The following ACVR1 variants were observed in gnomAD, a reference collection of about 807,000 sequenced individuals.
ACVR1 encodes activin receptor type-1.
Under a neutral mutation model 57.1 loss-of-function variants are expected in ACVR1, and 38 were observed. The ratio of observed to expected loss-of-function variants is 0.67; its 90% CI spans 0.51 to 0.87. The LOEUF is 0.87. Ranked by LOEUF, ACVR1 falls within the 40% of genes least tolerant of loss-of-function variation. The pLI is 0.00. For missense variants in ACVR1, 463 were observed against 638.2 expected, an observed-to-expected ratio of 0.73 and a Z score of 2.96; for synonymous variants, 212 against 228.1, an observed-to-expected ratio of 0.93 and a Z score of 0.63.
intron 1 of ACVR1, among the ~76,000 whole-genome samples, chr2:157,849,853 G>A (rs766489394): frequency 7.2e-5 from 11 of 152,194 alleles, no homozygotes; most frequent in Non-Finnish European, 1.3e-4. Flanking sequence ...TCCTACCCAG[G>A]TGTCAGTGTT....
intron 9 of ACVR1, among the ~76,000 whole-genome samples, chr2:157,740,771 C>A (rs944013937): frequency 1.3e-5 from 2 of 152,158 alleles, no homozygotes; most frequent in African/African-American, 4.8e-5. Flanking sequence ...CTGAAGTTTG[C>A]CCTTGTGTTT....
chr2:157,766,252 A>G, intron 7 of ACVR1, 56 bp from the exon 8 acceptor site: 1 of 1,573,460 alleles, frequency 6.4e-7, no homozygotes, highest in Non-Finnish European at 8.7e-7. Flanking sequence ...TATAACTTAA[A>G]GTATTTAGAA....
chr2:157,747,707 A>C (rs1461972555), intron 9 of ACVR1, among the ~76,000 whole-genome samples: 2 of 152,116 alleles, frequency 1.3e-5, no homozygotes, highest in African/African-American at 4.8e-5. Context: ...GTTTGCAAGC[A>C]GCATTGAATA....
intron 1 of ACVR1, among the ~76,000 whole-genome samples, chr2:157,854,964 G>A (rs1012374180): frequency 6.6e-6 from 1 of 151,818 alleles, no homozygotes; most frequent in African/African-American, 2.4e-5. Flanking sequence ...GCTTGAACCC[G>A]GGAGGCAGAG....
intron 7 of ACVR1, among the ~76,000 whole-genome samples, chr2:157,770,004 T>C (rs1280037230): frequency 6.6e-6 from 1 of 152,228 alleles, no homozygotes; most frequent in Non-Finnish European, 1.5e-5. Context: ...AGTCCAAAGA[T>C]CTTTCTTAGT....
At chr2:157,801,454 T>A (rs1687325225) in intron 2 of ACVR1, among the ~76,000 whole-genome samples, 1 of 152,212 alleles carries the variant, frequency 6.6e-6, no homozygotes, top group African/African-American at 2.4e-5. Context: ...AAGAAAACAG[T>A]AGACTTAACA....
chr2:157,864,388 A>C (rs1434694652), intron 1 of ACVR1, among the ~76,000 whole-genome samples: 1 of 151,656 alleles, frequency 6.6e-6, no homozygotes, highest in Admixed American at 6.6e-5. Context: ...TTTTTAAAAA[A>C]ATTTTTGTAG....
intron 1 of ACVR1, among the ~76,000 whole-genome samples, chr2:157,828,764 T>C (rs1688482427): frequency 8.0e-6 from 1 of 125,372 alleles, no homozygotes; most frequent in Non-Finnish European, 1.5e-5. Flanking sequence ...TTTTGTTTTT[T>C]TGTTTGTTTG....
chr2:157,743,209 A>G (rs1684844534), intron 9 of ACVR1, among the ~76,000 whole-genome samples: 1 of 152,050 alleles, frequency 6.6e-6, no homozygotes, highest in Non-Finnish European at 1.5e-5. Context: ...TTGTCCAACT[A>G]GGTTCTTATT....
chr2:157,835,524 A>G (rs1162496160), intron 1 of ACVR1, among the ~76,000 whole-genome samples: 3 of 152,200 alleles, frequency 2.0e-5, no homozygotes, highest in Non-Finnish European at 4.4e-5. Context: ...TCTTAATAGT[A>G]TATTTTACTA....
chr2:157,819,632 A>G (rs1358906731), intron 1 of ACVR1: 1 of 152,138 alleles, frequency 6.6e-6, no homozygotes. Flanking sequence ...CCACTCAAAT[A>G]TATCTGATTT....
intron 2 of ACVR1, among the ~76,000 whole-genome samples, chr2:157,812,875 TCCTC>T (rs754991831): frequency 1.3e-5 from 2 of 152,142 alleles, no homozygotes; most frequent in Non-Finnish European, 2.9e-5. Flanking sequence ...AAGTGGTCCT[TCCTC>T]CCACGTACTT....
At chr2:157,770,260 C>CT in intron 7 of ACVR1, 108 bp downstream of exon 7, 1 of 1,281,760 alleles carries the variant, frequency 7.8e-7, no homozygotes, top group Non-Finnish European at 1.1e-6. Context: ...CCCTATATTG[C>CT]TTTTTAGGAG....
chr2:157,854,410 T>C (rs1689433395), intron 1 of ACVR1, among the ~76,000 whole-genome samples: 1 of 151,964 alleles, frequency 6.6e-6, no homozygotes, highest in Non-Finnish European at 1.5e-5. Flanking sequence ...GCCATCACAC[T>C]GGCAAATCCA....
chr2:157,752,306 C>G (rs1685233028), intron 9 of ACVR1, among the ~76,000 whole-genome samples: 1 of 152,202 alleles, frequency 6.6e-6, no homozygotes, highest in Admixed American at 6.5e-5. Context: ...AGAATCTGAA[C>G]AGCAGCCTTG....
At position 157,809,016 on chromosome 2, in the gene ACVR1, C is replaced by T. The variant is rs551951299; in HGVS notation, c.-8+9369G>A. ...ACCCTGGTCTTTACAAAAAGGAACT[C>T]TTGAAAGACCCCTTATCTATTTAAA... On this transcript the variant is annotated intron_variant, in intron 2 of 10. Transcript: ENST00000434821. 1.1e-4 allele frequency among the ~76,000 whole-genome samples: 16 copies of T among 152,236 alleles called. No individual in the cohort carries two copies. In the South Asian group the frequency reaches 3.3e-3, roughly 31 times the overall value.
rs1297924053 is a variant in ACVR1 at position 157,766,101 on chromosome 2, G to C, written c.886C>G (p.Gln296Glu). The change falls in exon 8 of 11, where the codon CAG (glutamine) becomes GAG (glutamate). Residue 296 changes from glutamine to glutamate, a missense_variant. Physicochemically the swap from Gln to Glu is conservative, Grantham distance 29. This residue lies in a region of ACVR1 where 114 missense variants were observed against 216.2 expected (regional missense o/e 0.53). Transcript: ENST00000434821. ...HEMGSLYDYLQLTTLDTVSCL... is the reference protein window; with the variant it reads ...HEMGSLYDYLELTTLDTVSCL... ...CTAACTGTATCCAGAGTAGTAAGCTGAAGATAGTCGTACAACGATCCCATT... is the reference window on the plus strand; with the variant it reads ...CTAACTGTATCCAGAGTAGTAAGCTCAAGATAGTCGTACAACGATCCCATT... 1 of 1,614,124 alleles carries C rather than the reference G, an allele frequency of 6.2e-7. No homozygotes were observed. The highest frequency in any genetic ancestry group is 2.2e-5 in the East Asian group (1 of 44,878).
intron 7 of ACVR1, 60 bp from the exon 8 acceptor site, chr2:157,766,256 T>C (rs1005339997): frequency 6.4e-7 from 1 of 1,557,450 alleles, no homozygotes; most frequent in Non-Finnish European, 8.8e-7. Context: ...ACTTAAAGTA[T>C]TTAGAAATAG....
intron 1 of ACVR1, among the ~76,000 whole-genome samples, chr2:157,855,280 GT>G (rs1689474191): frequency 1.8e-5 from 1 of 54,874 alleles, no homozygotes; most frequent in African/African-American, 6.6e-5. Flanking sequence ...GTGTGTGTGT[GT>G]GTGTGTGTGT....
Sources: allele counts gnomAD v4.1 joint callset (sites outside exome capture counted in the v4.1 genomes callset), GRCh38; gene constraint gnomAD v4.1.1; regional missense constraint gnomAD v4.1.1; transcripts MANE v1.5; gene names NCBI Gene and HGNC (gene_info 2026-07-23, HGNC 2026-07-21).